Variants in FRMD6 observed in about 807,000 individuals in gnomAD.
FRMD6 encodes FERM domain containing 6.
A neutral mutation model predicts 73.2 loss-of-function variants in FRMD6; 37 were observed. The observed-to-expected ratio is 0.51, with a 90% CI of 0.39 to 0.66. The LOEUF (loss-of-function observed/expected upper bound fraction) is 0.66. FRMD6 is among the 30% of genes least tolerant of loss of function. The pLI is 0.00. For missense variants in FRMD6, 714 were observed against 780.5 expected (o/e 0.91, Z 1.02); for synonymous variants, 273 against 282.2 (o/e 0.97, Z 0.33).
intron 2 of FRMD6, among the ~76,000 whole-genome samples, chr14:51,571,004 A>G (rs980771317): frequency 1.4e-4 from 21 of 152,370 alleles, no homozygotes; most frequent in African/African-American, 5.0e-4. Context: ...TTTGAGGAGG[A>G]AAATAGTCAT....
chr14:51,646,539 C>T (rs1892083851), intron 2 of FRMD6, among the ~76,000 whole-genome samples: 1 of 151,748 alleles, frequency 6.6e-6, no homozygotes, highest in Non-Finnish European at 1.5e-5. Context: ...GGAATTGCCT[C>T]CCAACTCTGG....
At chr14:51,444,810 G>C in the FRMD6 span, among the ~76,000 whole-genome samples, 1 of 152,114 alleles carries the variant, frequency 6.6e-6, no homozygotes, top group South Asian at 2.1e-4. Flanking sequence ...CTGTGTGCTT[G>C]AGAGCTCCTT....
chr14:51,680,538 A>T (rs1311352254), intron 1 of FRMD6, among the ~76,000 whole-genome samples: 1 of 152,226 alleles, frequency 6.6e-6, no homozygotes, highest in Non-Finnish European at 1.5e-5. Context: ...CTACACTTTA[A>T]CAAGTGCTAG....
chr14:51,475,563 G>A, the FRMD6 span, among the ~76,000 whole-genome samples: 18,237 of 152,158 alleles, frequency 0.12, 1,783 homozygotes, highest in African/African-American at 0.24. Flanking sequence ...AGCATATTTC[G>A]TGGTTTCTCT....
intron 5 of FRMD6, among the ~76,000 whole-genome samples, chr14:51,704,377 A>G (rs1336839437): frequency 3.3e-5 from 5 of 152,182 alleles, no homozygotes; most frequent in Non-Finnish European, 7.4e-5. Flanking sequence ...CGTGTGTAGC[A>G]TCATTGTAGC....
chr14:51,638,741 T>C (rs538637415), intron 2 of FRMD6, among the ~76,000 whole-genome samples: 1 of 152,338 alleles, frequency 6.6e-6, no homozygotes, highest in South Asian at 2.1e-4. Flanking sequence ...TCATTCTTTT[T>C]TAGTCTGATC....
the FRMD6 span, among the ~76,000 whole-genome samples, chr14:51,482,698 G>T: frequency 6.6e-6 from 1 of 151,964 alleles, no homozygotes; most frequent in Non-Finnish European, 1.5e-5. Context: ...GTGTGTATTT[G>T]GTTTTTGTTT....
At chr14:51,416,189 T>G in the FRMD6 span, among the ~76,000 whole-genome samples, 1 of 152,344 alleles carries the variant, frequency 6.6e-6, no homozygotes, top group East Asian at 1.9e-4. Flanking sequence ...TCTTGCCTTC[T>G]GCTAGCTTTT....
chr14:51,727,484 T>G (rs139181360), intron 13 of FRMD6, among the ~76,000 whole-genome samples: 5 of 152,298 alleles, frequency 3.3e-5, no homozygotes, highest in African/African-American at 1.2e-4. Context: ...TTAGGAAGAT[T>G]AAATGAGTTA....
At position 51,670,943 on chromosome 14, in the gene FRMD6, G is replaced by A. The variant is rs189344835; in HGVS notation, c.-146-18748G>A. Among the ~76,000 whole-genome samples, 604 of 152,310 alleles carry A rather than the reference G, an allele frequency of 4.0e-3. 3 individuals carry two copies. The highest frequency in any genetic ancestry group is 0.013 in the African/African-American group (548 of 41,572). On this transcript the variant is annotated intron_variant, in intron 1 of 13. Coordinates refer to ENST00000344768, the MANE Select transcript of FRMD6 (RefSeq NM_001267046.2). ...ATTACAGGCGTGGGCCACCGTGCCC[G>A]GCGGTTTGTATGTTTTATCATGAAC...
At chr14:51,558,974 A>G (rs2139492137) in intron 1 of FRMD6, among the ~76,000 whole-genome samples, 1 of 152,338 alleles carries the variant, frequency 6.6e-6, no homozygotes, top group Admixed American at 6.5e-5. Flanking sequence ...ATTTCTAAAC[A>G]AAAAGTAAGC....
chr14:51,580,127 C>CGTGTGTGT (rs3060586), intron 2 of FRMD6, among the ~76,000 whole-genome samples: 6 of 149,734 alleles, frequency 4.0e-5, no homozygotes, highest in Non-Finnish European at 4.5e-5. Flanking sequence ...TTGTGTGCAC[C>CGTGTGTGT]GTGTGTGTGT....
At chr14:51,457,535 G>C in the FRMD6 span, among the ~76,000 whole-genome samples, 1 of 152,132 alleles carries the variant, frequency 6.6e-6, no homozygotes, top group Non-Finnish European at 1.5e-5. Context: ...TTAGAGAAAT[G>C]TCCCCCATTT....
intron 2 of FRMD6, among the ~76,000 whole-genome samples, chr14:51,634,425 C>T (rs73290944): frequency 0.011 from 1,663 of 152,232 alleles, 20 homozygotes; most frequent in African/African-American, 0.03. Flanking sequence ...ATCCTCTCTC[C>T]GAATTATCTC....
chr14:51,543,076 A>C (rs1368157452), intron 1 of FRMD6, among the ~76,000 whole-genome samples: 2 of 152,012 alleles, frequency 1.3e-5, no homozygotes, highest in African/African-American at 4.8e-5. Context: ...TGATGAACAA[A>C]AGTTTTTACT....
chr14:51,702,973 T>C (rs1402024239), intron 5 of FRMD6, among the ~76,000 whole-genome samples: 1 of 152,038 alleles, frequency 6.6e-6, no homozygotes, highest in African/African-American at 2.4e-5. Context: ...TATGTTCTTT[T>C]CCAGTGGTAA....
At chr14:51,702,306 C>T (rs538518454) in intron 4 of FRMD6, among the ~76,000 whole-genome samples, 6 of 152,068 alleles carry the variant, frequency 3.9e-5, no homozygotes, top group African/African-American at 1.2e-4. Flanking sequence ...TGCCCTGTTT[C>T]GCTTTATAAC....
rs542231195 is a variant in FRMD6 at position 51,643,997 on chromosome 14, A to G, written c.-146-45694A>G. ...TGAATGATTTCTTATTAAGAAATTAATAATTACAGTTTTAGTTATTCAATC... is the reference window on the plus strand; with the variant it reads ...TGAATGATTTCTTATTAAGAAATTAGTAATTACAGTTTTAGTTATTCAATC... On this transcript the variant is annotated intron_variant, in intron 2 of 14. Transcript: ENST00000356218. Among the ~76,000 whole-genome samples the G allele has an allele frequency of 3.3e-5, 5 of 152,362 alleles. No homozygotes were observed. The South Asian group carries it at 8.3e-4, about 25-fold the overall frequency.
chr14:51,630,024 C>T (rs1455271969), intron 2 of FRMD6, among the ~76,000 whole-genome samples: 1 of 152,114 alleles, frequency 6.6e-6, no homozygotes, highest in Non-Finnish European at 1.5e-5. Context: ...TCAAACTTCT[C>T]CTCTGCTCCA....
Sources: gnomAD v4.1 joint callset for allele counts (sites outside exome capture counted in the v4.1 genomes callset) on GRCh38, gnomAD v4.1.1 for gene constraint, MANE v1.5 for transcripts, NCBI Gene and HGNC (gene_info 2026-07-23, HGNC 2026-07-21) for gene names.